The following CNBP variants were observed in gnomAD, a reference collection of about 807,000 sequenced individuals.
CNBP encodes CCHC-type zinc finger nucleic acid binding protein.
In CNBP, 6 loss-of-function variants were observed where a neutral mutation model predicts 21.2. The ratio of observed to expected loss-of-function variants is 0.28; its 90% CI spans 0.16 to 0.56. The LOEUF is 0.56. Among genes scored for constraint, CNBP ranks in the 20% least tolerant of loss-of-function variants. The pLI is 0.93. For synonymous variants in CNBP, 61 were observed against 74.9 expected, an observed-to-expected ratio of 0.81 and a Z score of 0.96; for missense variants, 112 against 233.1, an observed-to-expected ratio of 0.48 and a Z score of 3.38.
Position 129,168,940 on chromosome 3 carries a change from CA to C in CNBP, c.*1512del, listed in dbSNP as rs11401192. On this transcript the variant is annotated 3_prime_UTR_variant, in exon 5 of 5. Coordinates refer to ENST00000422453, the MANE Select transcript of CNBP (RefSeq NM_003418.5). ...TGAAACCCCGTCTTTACTAAAAATA[CA>C]AAAAAAAAAAATTAGCTGGGCGCGG... is the stretch of plus-strand genomic sequence containing the variant. Among the ~76,000 whole-genome samples, 29 of 144,034 alleles carry C rather than the reference CA, an allele frequency of 2.0e-4. 3 individuals are homozygous for C. The highest frequency in any genetic ancestry group is 8.1e-4 in the East Asian group (4 of 4,910). The allele number at this position is 144,034 out of a possible 152,430, so 94.5% of individuals were successfully genotyped here.
At chr3:129,172,679 GACAGACAGACAGACAGACAC>G (rs1421900262) in intron 1 of CNBP, among the ~76,000 whole-genome samples, 187 of 99,040 alleles carry the variant, frequency 1.9e-3, no homozygotes, top group African/African-American at 6.1e-3. Context: ...CAGACAGACA[GACAGACAGACAGACAGACAC>G]ACACACACAC....
At chr3:129,180,901 T>C (rs1938242110) in intron 1 of CNBP, among the ~76,000 whole-genome samples, 1 of 152,132 alleles carries the variant, frequency 6.6e-6, no homozygotes, top group African/African-American at 2.4e-5. Flanking sequence ...AGTTTGGTAC[T>C]ATCCCATATA....
At chr3:129,183,614 C>G (rs1470943621) in intron 1 of CNBP, among the ~76,000 whole-genome samples, 162 bp downstream of exon 1, 1 of 152,256 alleles carries the variant, frequency 6.6e-6, no homozygotes, top group East Asian at 1.9e-4. Context: ...AAACCCGGGT[C>G]CGAGGCGGCG....
intron 1 of CNBP, among the ~76,000 whole-genome samples, chr3:129,176,557 C>A (rs1160274711): frequency 6.6e-6 from 1 of 152,184 alleles, no homozygotes. Context: ...GTGAAACTAA[C>A]TGACCCAATC....
intron 1 of CNBP, among the ~76,000 whole-genome samples, chr3:129,176,787 G>A (rs1937932767): frequency 6.6e-6 from 1 of 152,098 alleles, no homozygotes; most frequent in East Asian, 1.9e-4. Flanking sequence ...CAGGGATTAG[G>A]GCCAACCACT....
At chr3:129,178,692 A>T (rs150117665) in intron 1 of CNBP, among the ~76,000 whole-genome samples, 1 of 152,104 alleles carries the variant, frequency 6.6e-6, no homozygotes, top group Non-Finnish European at 1.5e-5. Flanking sequence ...AAGTATGCAC[A>T]TTATTATGCT....
intron 4 of CNBP, 150 bp downstream of exon 4, chr3:129,170,929 T>C: frequency 1.3e-6 from 1 of 744,154 alleles, no homozygotes; most frequent in Non-Finnish European, 2.2e-6. Context: ...TATATACAGA[T>C]AGACTGCCAG....
chr3:129,174,307 A>G (rs2107638685), intron 1 of CNBP, among the ~76,000 whole-genome samples: 1 of 135,768 alleles, frequency 7.4e-6, no homozygotes, highest in East Asian at 2.5e-4. Context: ...ATCCTAAATT[A>G]TGTGAAGTAT....
rs1937531704 is a variant in CNBP, at chr3:129,169,477, T to C, written c.*976A>G. On this transcript the variant is annotated 3_prime_UTR_variant, in exon 5 of 5. Coordinates refer to ENST00000422453, the MANE Select transcript of CNBP (RefSeq NM_003418.5). ...TAAGTACAAAAAGAAAAGTCCAAAC[T>C]GTCAGCTTTCAGTCCTCCACATTCC... The C allele has an allele frequency of 5.0e-6, 1 of 199,110 alleles. No homozygotes were observed. The highest frequency in any genetic ancestry group is 7.8e-5 in the East Asian group (1 of 12,784). The allele number at this position is 199,110 out of a possible 1,614,324, so 12.3% of individuals were successfully genotyped here. A position where few individuals can be genotyped will look rare whatever the true frequency, so the allele number is the denominator to read the frequency against.
chr3:129,176,746 G>C (rs142248183), intron 1 of CNBP, among the ~76,000 whole-genome samples: 47 of 152,272 alleles, frequency 3.1e-4, no homozygotes, highest in African/African-American at 1.1e-3. Flanking sequence ...CTGCCCAGAT[G>C]AATTTAGGAT....
rs1938113898 is a variant in CNBP, at chr3:129,179,093, CATGGAGAAATCCCGTCTCTACT to C, written c.-15+4661_-15+4682del. Among the ~76,000 whole-genome samples, 4 of 152,046 alleles carry C rather than the reference CATGGAGAAATCCCGTCTCTACT, an allele frequency of 2.6e-5. No homozygotes were observed. The South Asian group carries it at 8.3e-4, about 32-fold the overall frequency. Reference sequence around the variant, plus strand: ...GGGAGCTCAGGACCAGCCTGACCAACATGGAGAAATCCCGTCTCTACTAAAAACACAAAATTGGCCGGGTGTG... The same window carrying C: ...GGGAGCTCAGGACCAGCCTGACCAACAAAAACACAAAATTGGCCGGGTGTG... On this transcript the variant is annotated intron_variant, in intron 1 of 4. Transcript: ENST00000422453.
intron 1 of CNBP, among the ~76,000 whole-genome samples, chr3:129,172,697 C>CAGACAGACAG (rs1193797460): frequency 1.8e-5 from 2 of 113,020 alleles, no homozygotes; most frequent in African/African-American, 7.0e-5. Flanking sequence ...GACAGACAGA[C>CAGACAGACAG]ACACACACAC....
At chr3:129,180,788 C>A (rs1166047304) in intron 1 of CNBP, among the ~76,000 whole-genome samples, 1 of 149,202 alleles carries the variant, frequency 6.7e-6, no homozygotes, top group Non-Finnish European at 1.5e-5. Flanking sequence ...AATTTTTCAT[C>A]CCTGCAAGGA....
At chr3:129,182,987 T>C (rs1429315228) in intron 1 of CNBP, among the ~76,000 whole-genome samples, 2 of 152,024 alleles carry the variant, frequency 1.3e-5, no homozygotes, top group East Asian at 3.9e-4. Flanking sequence ...AGTCTCTCTC[T>C]GTTGCCCATG....
rs1010621077 is a variant in CNBP at position 129,167,984 on chromosome 3, T to C, written c.*2469A>G. 1.3e-5 allele frequency among the ~76,000 whole-genome samples: 2 copies of C among 152,202 alleles called. No homozygotes were observed. The highest frequency in any genetic ancestry group is 2.4e-5 in the African/African-American group (1 of 41,448). ...GCTCAGGACTATTAATTTGACAAGG[T>C]TGGAATGTGCACAGCACAGCTGAGA... On this transcript the variant is annotated 3_prime_UTR_variant, in exon 5 of 5. Coordinates refer to ENST00000422453, the MANE Select transcript of CNBP (RefSeq NM_003418.5).
intron 1 of CNBP, among the ~76,000 whole-genome samples, chr3:129,176,376 G>T (rs1937908581): frequency 6.6e-6 from 1 of 152,154 alleles, no homozygotes; most frequent in South Asian, 2.1e-4. Context: ...AAGACACTTT[G>T]TTAATATCTG....
At chr3:129,172,575 G>GGC (rs1474198100) in intron 1 of CNBP, among the ~76,000 whole-genome samples, 9 of 125,394 alleles carry the variant, frequency 7.2e-5, no homozygotes, top group Non-Finnish European at 1.3e-4. Context: ...AAGTGAGACA[G>GGC]ACAGGCAGGC....
At position 129,168,857 on chromosome 3, in the gene CNBP, G is replaced by A. The variant is rs1263659922; in HGVS notation, c.*1596C>T. Among the ~76,000 whole-genome samples, 6 of 151,820 alleles carry A rather than the reference G, an allele frequency of 4.0e-5. No homozygotes were observed. The highest frequency in any genetic ancestry group is 2.1e-4 in the South Asian group (1 of 4,824). ...CACGCCTGTGATCCCAGCACTTTGG[G>A]AGGCCAAGGCGGGCGGATCACGAGG... On this transcript the variant is annotated 3_prime_UTR_variant, in exon 5 of 5. Coordinates refer to ENST00000422453, the MANE Select transcript of CNBP (RefSeq NM_003418.5).
chr3:129,174,767 G>A (rs1318840481), intron 1 of CNBP, among the ~76,000 whole-genome samples: 1 of 151,984 alleles, frequency 6.6e-6, no homozygotes, highest in Non-Finnish European at 1.5e-5. Context: ...AGTCAGATCA[G>A]CTTGAGCTCA....
Sources: allele counts gnomAD v4.1 joint callset (sites outside exome capture counted in the v4.1 genomes callset), GRCh38; gene constraint gnomAD v4.1.1; transcripts MANE v1.5; gene names NCBI Gene and HGNC (gene_info 2026-07-23, HGNC 2026-07-21).